The following TMEM182 variants were observed in gnomAD, a reference collection of about 807,000 sequenced individuals.
TMEM182 encodes the protein transmembrane protein 182.
Under a neutral mutation model 26.8 loss-of-function variants are expected in TMEM182, and 20 were observed. The ratio of observed to expected loss-of-function variants is 0.75; its 90% CI spans 0.53 to 1.09. TMEM182 has a LOEUF of 1.09. Ranked by LOEUF, TMEM182 falls within the 50% of genes least tolerant of loss-of-function variation. TMEM182 has a pLI of 0.00. For missense variants in TMEM182, 277 were observed against 275.5 expected, an observed-to-expected ratio of 1.01 and a Z score of -0.04; for synonymous variants, 109 against 102.2, an observed-to-expected ratio of 1.07 and a Z score of -0.40.
At chr2:102,798,381 G>A (rs1040746051) in intron 4 of TMEM182, among the ~76,000 whole-genome samples, 1 of 152,160 alleles carries the variant, frequency 6.6e-6, no homozygotes. Context: ...TCTGTAAATG[G>A]GGATCGTAAC....
At chr2:102,764,263 C>A in intron 2 of TMEM182, 66 bp from the exon 3 acceptor site, 1 of 1,470,692 alleles carries the variant, frequency 6.8e-7, no homozygotes, top group Non-Finnish European at 9.5e-7. Context: ...TATTTCTGTT[C>A]CATTAAGGAT....
intron 4 of TMEM182, among the ~76,000 whole-genome samples, chr2:102,806,417 A>G (rs886588122): frequency 5.9e-5 from 9 of 152,128 alleles, no homozygotes; most frequent in African/African-American, 2.2e-4. Flanking sequence ...ACATTTTGTC[A>G]TGGGACTGTG....
At chr2:102,770,304 C>A (rs1320016560) in intron 3 of TMEM182, among the ~76,000 whole-genome samples, 1 of 152,164 alleles carries the variant, frequency 6.6e-6, no homozygotes, top group Non-Finnish European at 1.5e-5. Flanking sequence ...TGCAAAAGTT[C>A]TTGGGGCCCA....
chr2:102,834,662 C>G (rs1427780582), intron 3 of TMEM182, among the ~76,000 whole-genome samples: 1 of 152,160 alleles, frequency 6.6e-6, no homozygotes, highest in African/African-American at 2.4e-5. Flanking sequence ...GATCCAGGGT[C>G]TCTGAATACT....
chr2:102,800,230 C>A (rs1464677139), intron 4 of TMEM182, among the ~76,000 whole-genome samples: 1 of 152,160 alleles, frequency 6.6e-6, no homozygotes, highest in Non-Finnish European at 1.5e-5. Context: ...GTGCAAGAAT[C>A]ACCACTATCT....
intron 3 of TMEM182, among the ~76,000 whole-genome samples, chr2:102,766,125 G>T (rs1444466423): frequency 6.6e-6 from 1 of 152,138 alleles, no homozygotes; most frequent in South Asian, 2.1e-4. Flanking sequence ...ATATAATGAG[G>T]TCCTGTGATA....
In TMEM182 at chr2:102,816,042, A is replaced by T; in HGVS notation, c.*1074A>T. 3 of 985,024 alleles carry T rather than the reference A, an allele frequency of 3.0e-6. No homozygotes were observed. The highest frequency in any genetic ancestry group is 1.7e-5 in the African/African-American group (1 of 57,342). The allele number at this position is 985,024 out of a possible 1,614,324, so 61.0% of individuals were successfully genotyped here. ...ACAATAGATATATTAACATTTACAG[A>T]TCGACTATTTCCTTTAACCTCCTAG... On this transcript the variant is annotated 3_prime_UTR_variant, in exon 5 of 5. Transcript: ENST00000412401.
At chr2:102,806,839 T>C (rs968804370) in intron 4 of TMEM182, among the ~76,000 whole-genome samples, 1 of 152,172 alleles carries the variant, frequency 6.6e-6, no homozygotes, top group African/African-American at 2.4e-5. Flanking sequence ...CGAAAGTTGC[T>C]CAGGGTTACT....
intron 4 of TMEM182, among the ~76,000 whole-genome samples, chr2:102,802,004 C>T (rs1353885277): frequency 1.3e-5 from 2 of 152,196 alleles, no homozygotes; most frequent in Non-Finnish European, 2.9e-5. Context: ...ACTGGTCACT[C>T]GCTCTTGAGG....
rs939742597 is a variant in TMEM182 at position 102,749,734 on chromosome 2, A to G, written c.-82-8655A>G. ...ACATATTTCACATGGAATTAATTTC[A>G]TCCTGTTCAAGAAAAGATCATTTTC... On this transcript the variant is annotated intron_variant, in intron 1 of 5. Coordinates refer to the TMEM182 transcript ENST00000409173. Among the ~76,000 whole-genome samples the G allele has an allele frequency of 3.9e-5, 6 of 152,182 alleles. 1 individual carries two copies. The highest frequency in any genetic ancestry group is 3.9e-4 in the Admixed American group (6 of 15,274).
downstream of TMEM182, among the ~76,000 whole-genome samples, chr2:102,818,559 G>C (rs1018574011): frequency 5.3e-5 from 8 of 152,260 alleles, no homozygotes; most frequent in Admixed American, 4.6e-4. Context: ...ATCAGAGACA[G>C]CAAGTCTGGA....
chr2:102,745,471 CA>C (rs1254540567), intron 1 of TMEM182, among the ~76,000 whole-genome samples: 1 of 151,954 alleles, frequency 6.6e-6, no homozygotes, highest in Non-Finnish European at 1.5e-5. Context: ...CCTCTCTTTC[CA>C]ACATTATTAA....
intron 4 of TMEM182, among the ~76,000 whole-genome samples, chr2:102,801,776 T>G (rs1682151128): frequency 6.6e-6 from 1 of 152,228 alleles, no homozygotes; most frequent in Non-Finnish European, 1.5e-5. Context: ...TGTCCTAGCT[T>G]CTTAGATAGT....
chr2:102,832,367 A>G (rs1184168624), intron 3 of TMEM182, among the ~76,000 whole-genome samples: 1 of 152,186 alleles, frequency 6.6e-6, no homozygotes, highest in Non-Finnish European at 1.5e-5. Context: ...CACAATTCTC[A>G]TCGAAAAAGA....
intron 1 of TMEM182, among the ~76,000 whole-genome samples, chr2:102,751,440 C>T (rs1426704202): frequency 3.3e-5 from 5 of 152,100 alleles, no homozygotes; most frequent in African/African-American, 1.2e-4. Context: ...AAGATGGAGC[C>T]GCCATTTTGA....
At chr2:102,777,132 G>A (rs1680951887) in intron 3 of TMEM182, among the ~76,000 whole-genome samples, 1 of 151,914 alleles carries the variant, frequency 6.6e-6, no homozygotes, top group Non-Finnish European at 1.5e-5. Context: ...CGTTCACAGA[G>A]CAGAAATTTT....
chr2:102,761,030 T>A (rs1369889374), upstream of TMEM182, among the ~76,000 whole-genome samples: 1 of 152,104 alleles, frequency 6.6e-6, no homozygotes, highest in Non-Finnish European at 1.5e-5. Context: ...AAAGAAGGCG[T>A]GAAGAAAGCT....
chr2:102,827,620 G>A (rs888311309), intron 3 of TMEM182, among the ~76,000 whole-genome samples: 14 of 152,172 alleles, frequency 9.2e-5, no homozygotes, highest in African/African-American at 3.4e-4. Context: ...TTCTTGCAAA[G>A]AAACAATTTT....
Position 102,778,676 on chromosome 2 carries a change from C to G in TMEM182, c.331+14249C>G, listed in dbSNP as rs181664211. Reference sequence around the variant, plus strand: ...CTCTTTGTATAACTTCTATAATCATCGGTTTAGCTATTACATCATAAATAC... The same window carrying G: ...CTCTTTGTATAACTTCTATAATCATGGGTTTAGCTATTACATCATAAATAC... On this transcript the variant is annotated intron_variant, in intron 3 of 4. Coordinates refer to ENST00000412401, the MANE Select transcript of TMEM182 (RefSeq NM_144632.5). 2.4e-3 allele frequency among the ~76,000 whole-genome samples: 344 copies of G among 145,948 alleles called. 3 individuals are homozygous for G. The highest frequency in any genetic ancestry group is 8.5e-3 in the African/African-American group (331 of 38,776).
Sources: gnomAD v4.1 joint callset for allele counts (sites outside exome capture counted in the v4.1 genomes callset) on GRCh38, gnomAD v4.1.1 for gene constraint, MANE v1.5 for transcripts, NCBI Gene and HGNC (gene_info 2026-07-23, HGNC 2026-07-21) for gene names.